The following ASH1L variants were observed in gnomAD, a reference collection of about 807,000 sequenced individuals.
ASH1L encodes ASH1 like histone lysine methyltransferase.
ASH1L carries 23 observed loss-of-function variants against 269.0 expected under a neutral mutation model. That is an observed-to-expected ratio of 0.09 (90% CI 0.06 to 0.12). The LOEUF is 0.12. Among genes scored for constraint, ASH1L ranks in the 10% least tolerant of loss-of-function variants. The pLI is 1.00. For missense variants in ASH1L, 2,912 were observed against 3,567.8 expected, an observed-to-expected ratio of 0.82 and a Z score of 4.68; for synonymous variants, 1,187 against 1,253.5, an observed-to-expected ratio of 0.95 and a Z score of 1.12.
In ASH1L at chr1:155,562,470, G is replaced by A. The variant is rs1427206753; in HGVS notation, c.-417C>T. On this transcript the variant is annotated 5_prime_UTR_variant, in exon 1 of 28. Coordinates refer to ENST00000392403, the MANE Select transcript of ASH1L (RefSeq NM_018489.3). ...CAGCAGCAGAGTGGCGGCGGTGGCG[G>A]CGGCAGCTCCTCCAGAGGGAGGGAG... The A allele has an allele frequency of 3.4e-6, 5 of 1,463,546 alleles. No homozygotes were observed. The East Asian group carries it at 9.9e-5, about 29-fold the overall frequency. The allele number at this position is 1,463,546 out of a possible 1,614,324, so 90.7% of individuals were successfully genotyped here.
chr1:155,389,917 T>C (rs1368383906), intron 7 of ASH1L, among the ~76,000 whole-genome samples: 2 of 151,540 alleles, frequency 1.3e-5, no homozygotes, highest in Admixed American at 1.3e-4. Flanking sequence ...TTTGGATTTT[T>C]TTTTTATATA....
chr1:155,517,458 G>T (rs574579340), intron 2 of ASH1L, among the ~76,000 whole-genome samples: 1 of 152,166 alleles, frequency 6.6e-6, no homozygotes, highest in Admixed American at 6.5e-5. Flanking sequence ...GTGAAACCCT[G>T]TCTCTACTAA....
intron 4 of ASH1L, among the ~76,000 whole-genome samples, chr1:155,456,057 A>C (rs1663843362): frequency 6.6e-6 from 1 of 152,076 alleles, no homozygotes; most frequent in African/African-American, 2.4e-5. Context: ...TGTTCCAATT[A>C]CCAGACTCCC....
intron 19 of ASH1L, among the ~76,000 whole-genome samples, chr1:155,348,881 AT>A (rs1268911928): frequency 1.6e-5 from 2 of 128,774 alleles, no homozygotes; most frequent in Admixed American, 1.8e-4. Context: ...ATTCTGTCTC[AT>A]TTAAAAAAAA....
At chr1:155,515,337 A>G (rs1296321330) in intron 2 of ASH1L, among the ~76,000 whole-genome samples, 10 of 152,112 alleles carry the variant, frequency 6.6e-5, no homozygotes, top group Non-Finnish European at 1.5e-5. Context: ...GCATCTCAAC[A>G]ATTTTTTGCA....
chr1:155,554,471 C>T (rs1312142711), intron 1 of ASH1L, among the ~76,000 whole-genome samples: 2 of 152,114 alleles, frequency 1.3e-5, no homozygotes, highest in Non-Finnish European at 2.9e-5. Flanking sequence ...GGGATTTCTC[C>T]ATGTTGGTCA....
At chr1:155,539,332 CA>C (rs1020091787) in intron 1 of ASH1L, among the ~76,000 whole-genome samples, 1 of 151,834 alleles carries the variant, frequency 6.6e-6, no homozygotes, top group Non-Finnish European at 1.5e-5. Context: ...CTGACTTGTC[CA>C]AAAAAACCAA....
intron 3 of ASH1L, among the ~76,000 whole-genome samples, chr1:155,469,287 A>G (rs1664917002): frequency 6.6e-6 from 1 of 151,992 alleles, no homozygotes; most frequent in Non-Finnish European, 1.5e-5. Flanking sequence ...GGTTCAAGCA[A>G]TTCTCCTGCC....
intron 2 of ASH1L, among the ~76,000 whole-genome samples, chr1:155,520,858 A>G (rs1668840667): frequency 1.3e-5 from 2 of 152,172 alleles, no homozygotes; most frequent in Admixed American, 6.5e-5. Flanking sequence ...GCAAAACTTA[A>G]TCTCAAAAAA....
At chr1:155,514,094 T>C (rs552016659) in intron 2 of ASH1L, among the ~76,000 whole-genome samples, 8 of 152,124 alleles carry the variant, frequency 5.3e-5, no homozygotes, top group Non-Finnish European at 1.0e-4. Flanking sequence ...ATTACAGTAG[T>C]CAAATTCAAA....
intron 3 of ASH1L, among the ~76,000 whole-genome samples, chr1:155,463,067 T>A (rs1406724105): frequency 2.0e-5 from 3 of 152,200 alleles, no homozygotes; most frequent in Non-Finnish European, 1.5e-5. Flanking sequence ...AGGAATCATA[T>A]GAAATCTGCA....
At chr1:155,436,522 A>G (rs1571212245) in intron 5 of ASH1L, among the ~76,000 whole-genome samples, 4 of 81,520 alleles carry the variant, frequency 4.9e-5, no homozygotes, top group Admixed American at 3.2e-4. Context: ...TTTGAGAAGG[A>G]GTCTCGCTTT....
chr1:155,438,243 T>C (rs1662253731), intron 5 of ASH1L, 84 bp downstream of exon 5: 1 of 1,364,664 alleles, frequency 7.3e-7, no homozygotes, highest in East Asian at 2.4e-5. Context: ...GGTTATAAGA[T>C]GAAATAATTC....
At position 155,562,358 on chromosome 1, in the gene ASH1L, A is replaced by T; in HGVS notation, c.-305T>A. 1 of 1,530,372 alleles carries T rather than the reference A, an allele frequency of 6.5e-7. No homozygotes were observed. The highest frequency in any genetic ancestry group is 8.9e-7 in the Non-Finnish European group (1 of 1,121,996). 94.8% of individuals were successfully genotyped at this position (1,530,372 alleles called of 1,614,324 possible). A position where few individuals can be genotyped will look rare whatever the true frequency, so the allele number is the denominator to read the frequency against. On this transcript the variant is annotated 5_prime_UTR_variant, in exon 1 of 28. Coordinates refer to ENST00000392403, the MANE Select transcript of ASH1L (RefSeq NM_018489.3). ...AGGCTAAAGGGGGCAAACTGAGGGG[A>T]GGCGGGTCCCGCAACCGAGACTGGG...
At chr1:155,432,713 T>G (rs557481376) in intron 5 of ASH1L, among the ~76,000 whole-genome samples, 1 of 152,212 alleles carries the variant, frequency 6.6e-6, no homozygotes, top group East Asian at 1.9e-4. Flanking sequence ...TTTGCTGGAA[T>G]AGAAAGGCTA....
At chr1:155,482,562 A>G (rs1374419727) in intron 2 of ASH1L, 113 bp from the exon 3 acceptor site, 1 of 1,174,784 alleles carries the variant, frequency 8.5e-7, no homozygotes, top group Non-Finnish European at 1.2e-6. Context: ...AATAGGCAAC[A>G]GTGGTTTTTA....
chr1:155,425,316 C>T (rs1473716149), intron 5 of ASH1L, among the ~76,000 whole-genome samples: 17 of 134,438 alleles, frequency 1.3e-4, no homozygotes, highest in Admixed American at 3.1e-4. Flanking sequence ...CTTCCTCTGT[C>T]GCCCAGGCTG....
intron 1 of ASH1L, among the ~76,000 whole-genome samples, chr1:155,549,375 C>T (rs893226630): frequency 5.9e-5 from 9 of 152,048 alleles, no homozygotes; most frequent in Admixed American, 3.9e-4. Context: ...CAGTGGCTCA[C>T]GCCTGTAATC....
chr1:155,480,769 T>C lies in ASH1L; in HGVS notation c.2101A>G (p.Ser701Gly), dbSNP rs2148727771. 2 of 1,614,000 alleles carry C rather than the reference T, an allele frequency of 1.2e-6. No homozygotes were observed. The highest frequency in any genetic ancestry group is 2.2e-5 in the South Asian group (2 of 91,078). ...DKHCQVAESL[S>G]TSLQSKPLKK... ...AATGGTTTGGACTGCAAACTAGTAC[T>C]TAGGCTTTCAGCAACTTGGCAGTGT... Residue 701 changes from serine (S) to glycine (G), a missense_variant, in exon 3 of 28, where the codon AGT (serine) becomes GGT (glycine). Transcript: ENST00000392403.
Sources: gnomAD v4.1 joint callset for allele counts (sites outside exome capture counted in the v4.1 genomes callset) on GRCh38, gnomAD v4.1.1 for gene constraint, MANE v1.5 for transcripts, NCBI Gene and HGNC (gene_info 2026-07-23, HGNC 2026-07-21) for gene names.